Variants in GTF2H4 observed in about 807,000 individuals in gnomAD.
GTF2H4 encodes BTF2 p52.
In GTF2H4, 49 loss-of-function variants were observed where a neutral mutation model predicts 62.2. The observed-to-expected ratio is 0.79, with a 90% confidence interval of 0.63 to 1.00. The LOEUF (loss-of-function observed/expected upper bound fraction) is 1.00. GTF2H4 is among the 50% of genes least tolerant of loss of function. GTF2H4 has a pLI of 0.00. For missense variants in GTF2H4, 479 were observed against 587.8 expected (o/e 0.81, Z 1.91); for synonymous variants, 189 against 233.8 (o/e 0.81, Z 1.75).
In GTF2H4 at chr6:30,911,995, G is replaced by A. The variant is rs1259096512; in HGVS notation, c.826-19G>A. On this transcript the variant is annotated intron_variant, in intron 9 of 13. Transcript: ENST00000259895. The surrounding 1 kb of genome is among the most constrained non-coding windows in gnomAD (Gnocchi z 4.3). Reference sequence around the variant, plus strand: ...CAGTGACTTCTGAGACAAGGCATCTGCCTTTCTATTCTTTTCAGAGGAAAT... The same window carrying A: ...CAGTGACTTCTGAGACAAGGCATCTACCTTTCTATTCTTTTCAGAGGAAAT... The A allele has an allele frequency of 6.2e-7, 1 of 1,612,050 alleles. No individual in the cohort carries two copies. Among genetic ancestry groups the A allele is most frequent in the Admixed American group, 1.7e-5 (1 of 59,954 alleles).
rs762767731 is a variant in GTF2H4, at chr6:30,911,475, G to C, written c.717G>C (p.Gln239His). The part of the protein sequence containing the change: ...DLVEILSFLF[Q>H]LSFSTLGKDY... ...TAGAGATTCTCTCCTTCCTCTTCCA[G>C]CTCAGCTTCTCTACTCTGGGCAAGG... The change falls in exon 8 of 14, where the codon CAG becomes CAC. Residue 239 changes from glutamine (Q) to histidine (H), a missense_variant. Transcript: ENST00000259895. The surrounding 1 kb of genome is among the most constrained non-coding windows in gnomAD (Gnocchi z 4.3). 6.8e-6 allele frequency: 11 copies of C among 1,614,096 alleles called. No homozygotes were observed. Among genetic ancestry groups the C allele is most frequent in the Non-Finnish European group, 5.1e-6 (6 of 1,179,968 alleles).
At position 30,912,007 on chromosome 6, in the gene GTF2H4, T is replaced by G. The variant is rs1253214926; in HGVS notation, c.826-7T>G. On this transcript the variant is annotated splice_polypyrimidine_tract_variant and splice_region_variant and intron_variant, in intron 9 of 13. Coordinates refer to ENST00000259895, the MANE Select transcript of GTF2H4 (RefSeq NM_001517.5). The surrounding 1 kb of genome is among the most constrained non-coding windows in gnomAD (Gnocchi z 4.8). The stretch of plus-strand genomic sequence containing the variant: ...AGACAAGGCATCTGCCTTTCTATTC[T>G]TTTCAGAGGAAATCTCGGCGTTACT... 6.2e-7 allele frequency: 1 copy of G among 1,612,598 alleles called. No individual in the cohort carries two copies. The highest frequency in any genetic ancestry group is 8.5e-7 in the Non-Finnish European group (1 of 1,179,918).
In GTF2H4 at chr6:30,910,070, C is replaced by A; in HGVS notation, c.374+7C>A. 1 of 1,611,880 alleles carries A rather than the reference C, an allele frequency of 6.2e-7. No homozygotes were observed. The highest frequency in any genetic ancestry group is 8.5e-7 in the Non-Finnish European group (1 of 1,179,628). ...GCATTGCCCTTCTGGGTGGGTATGT[C>A]ACTTCTCTCTCTTCCTAAGCTAGGG... On this transcript the variant is annotated splice_region_variant and intron_variant, in intron 4 of 13. Coordinates refer to ENST00000259895, the MANE Select transcript of GTF2H4 (RefSeq NM_001517.5). The surrounding 1 kb of genome is among the most constrained non-coding windows in gnomAD (Gnocchi z 4.7).
chr6:30,912,251 A>G lies in GTF2H4; in HGVS notation c.959-77A>G, dbSNP rs1294323044. The G allele has an allele frequency of 6.2e-7, 1 of 1,601,608 alleles. No individual in the cohort carries two copies. The highest frequency in any genetic ancestry group is 1.3e-5 in the African/African-American group (1 of 74,648). Reference sequence around the variant, plus strand: ...TCTACAGAGCTCTCTGACATTTCTCATGACACTTGAAAGAAGGGCTTGAGG... The same window carrying G: ...TCTACAGAGCTCTCTGACATTTCTCGTGACACTTGAAAGAAGGGCTTGAGG... On this transcript the variant is annotated intron_variant, in intron 10 of 13. Transcript: ENST00000259895. This position sits in a 1 kb window ranked among gnomAD's most constrained non-coding sequence, Gnocchi z 4.8.
chr6:30,914,074 TTTTC>T lies in GTF2H4; in HGVS notation c.*94_*97del. ...GTGTTTTTTATTTACGCGTCAGGGC[TTTTC>T]TTGTTTAATAAAGTTATGATAGCTA... On this transcript the variant is annotated 3_prime_UTR_variant, in exon 14 of 14. Transcript: ENST00000259895. 5 of 1,249,190 alleles carry T rather than the reference TTTTC, an allele frequency of 4.0e-6. No individual in the cohort carries two copies. The highest frequency in any genetic ancestry group is 5.4e-6 in the Non-Finnish European group (5 of 923,164). The allele number at this position is 1,249,190 out of a possible 1,614,324, so 77.4% of individuals were successfully genotyped here. A position where few individuals can be genotyped will look rare whatever the true frequency, so the allele number is the denominator to read the frequency against.
chr6:30,910,361 A>T lies in GTF2H4; in HGVS notation c.374+298A>T, dbSNP rs1356630361. On this transcript the variant is annotated intron_variant, in intron 4 of 13. Transcript: ENST00000259895. This position sits in a 1 kb window ranked among gnomAD's most constrained non-coding sequence, Gnocchi z 4.7. ...TTGTTTGTTTTTGAGACAGAGTCTC[A>T]CTCTGTCACCAAGGCCAGAGTGCAG... 6.6e-6 allele frequency among the ~76,000 whole-genome samples: 1 copy of T among 151,602 alleles called. No homozygotes were observed. Among genetic ancestry groups the T allele is most frequent in the Non-Finnish European group, 1.5e-5 (1 of 67,902 alleles).
chr6:30,911,161 T>C lies in GTF2H4; in HGVS notation c.564T>C (p.Thr188=). 4 of 1,611,726 alleles carry C rather than the reference T, an allele frequency of 2.5e-6. No homozygotes were observed. Among genetic ancestry groups the C allele is most frequent in the Non-Finnish European group, 3.4e-6 (4 of 1,178,354 alleles). ...LLSQAGLMKS[T]EPGEPPCITS... Reference sequence around the variant, plus strand: ...TTGTCCTGGTCTTTGTCTCTAGTACTGAACCTGGAGAGCCGCCCTGCATTA... The same window carrying C: ...TTGTCCTGGTCTTTGTCTCTAGTACCGAACCTGGAGAGCCGCCCTGCATTA... Residue 188 remains threonine, a synonymous_variant, in exon 7 of 14, where the codon ACT becomes ACC. Coordinates refer to ENST00000259895, the MANE Select transcript of GTF2H4 (RefSeq NM_001517.5). This position sits in a 1 kb window ranked among gnomAD's most constrained non-coding sequence, Gnocchi z 4.3.
Position 30,912,498 on chromosome 6 carries a change from G to A in GTF2H4, c.1089+40G>A, listed in dbSNP as rs760831222. ...GAGAGGTGGAGCAGGAAGACAGGCT[G>A]CACTTGGGCTGCGGGGGACAGGGGT... On this transcript the variant is annotated intron_variant, in intron 11 of 13. Coordinates refer to ENST00000259895, the MANE Select transcript of GTF2H4 (RefSeq NM_001517.5). The surrounding 1 kb of genome is among the most constrained non-coding windows in gnomAD (Gnocchi z 4.8). The A allele has an allele frequency of 5.0e-6, 8 of 1,609,206 alleles. No individual in the cohort carries two copies. The African/African-American group carries it at 1.1e-4, about 21-fold the overall frequency.
rs143868324 is a variant in GTF2H4, at chr6:30,908,262, T to C, written c.-145T>C. ...ATTCTCCATTCTGGGCTCTTGCCTG[T>C]GAAATCTTTCTTTGCTTTCCCCATC... On this transcript the variant is annotated 5_prime_UTR_variant, in exon 1 of 14. Coordinates refer to ENST00000259895, the MANE Select transcript of GTF2H4 (RefSeq NM_001517.5). The C allele has an allele frequency of 3.2e-3, 493 of 153,700 alleles. 2 individuals are homozygous for C. Among genetic ancestry groups the C allele is most frequent in the African/African-American group, 8.3e-3 (344 of 41,592 alleles). The allele number at this position is 153,700 out of a possible 1,614,324, so 9.5% of individuals were successfully genotyped here. A position where few individuals can be genotyped will look rare whatever the true frequency, so the allele number is the denominator to read the frequency against.
chr6:30,913,248 G>A lies in GTF2H4; in HGVS notation c.1138-61G>A. 1.2e-6 allele frequency: 2 copies of A among 1,612,184 alleles called. No individual in the cohort carries two copies. Among genetic ancestry groups the A allele is most frequent in the South Asian group, 1.1e-5 (1 of 90,992 alleles). ...GGCATCCAAATCTGGGGAAGAAACAGAGGGCCGGGTTGTCTGGGGCAGTAT... is the reference window on the plus strand; with the variant it reads ...GGCATCCAAATCTGGGGAAGAAACAAAGGGCCGGGTTGTCTGGGGCAGTAT... On this transcript the variant is annotated intron_variant, in intron 12 of 13. Transcript: ENST00000259895. This position sits in a 1 kb window ranked among gnomAD's most constrained non-coding sequence, Gnocchi z 4.2.
chr6:30,910,217 G>A lies in GTF2H4; in HGVS notation c.374+154G>A, dbSNP rs958961145. Among the ~76,000 whole-genome samples, 1 of 152,204 alleles carries A rather than the reference G, an allele frequency of 6.6e-6. No homozygotes were observed. Among genetic ancestry groups the A allele is most frequent in the African/African-American group, 2.4e-5 (1 of 41,454 alleles). ...CCTTTAGGAGTAAGTTGGACCAGAT[G>A]TAGTGTGTGGTGTAGGAAATGTCCC... On this transcript the variant is annotated intron_variant, in intron 4 of 13. Transcript: ENST00000259895. This position sits in a 1 kb window ranked among gnomAD's most constrained non-coding sequence, Gnocchi z 4.7.
Position 30,913,773 on chromosome 6 carries a change from G to T in GTF2H4, c.1217-38G>T. On this transcript the variant is annotated intron_variant, in intron 13 of 13. Transcript: ENST00000259895. The surrounding 1 kb of genome is among the most constrained non-coding windows in gnomAD (Gnocchi z 4.2). Reference sequence around the variant, plus strand: ...TAGGAGCTCCGAGCTTCACTTTCTCGTCTTCTCCCCGCGCCCCTCCCGTCC... The same window carrying T: ...TAGGAGCTCCGAGCTTCACTTTCTCTTCTTCTCCCCGCGCCCCTCCCGTCC... 2 of 1,499,750 alleles carry T rather than the reference G, an allele frequency of 1.3e-6. No individual in the cohort carries two copies. Among genetic ancestry groups the T allele is most frequent in the Non-Finnish European group, 1.8e-6 (2 of 1,121,170 alleles). 92.9% of individuals were successfully genotyped at this position (1,499,750 alleles called of 1,614,324 possible). A position where few individuals can be genotyped will look rare whatever the true frequency, so the allele number is the denominator to read the frequency against.
chr6:30,908,724 G>A (rs1225069450), intron 1 of GTF2H4, among the ~76,000 whole-genome samples: 8 of 152,178 alleles, frequency 5.3e-5, no homozygotes, highest in Non-Finnish European at 1.2e-4. Context: ...CTTTGTCCCT[G>A]TTTAGCCAAA....
intron 1 of GTF2H4, among the ~76,000 whole-genome samples, chr6:30,908,816 G>C (rs1414733276): frequency 6.6e-6 from 1 of 152,190 alleles, no homozygotes; most frequent in Non-Finnish European, 1.5e-5. Flanking sequence ...ATTGAGGGAA[G>C]ACTGGAGTTG....
At position 30,909,981 on chromosome 6, in the gene GTF2H4, A is replaced by G. The variant is rs760295012; in HGVS notation, c.292A>G (p.Thr98Ala). The change falls in exon 4 of 14, where the codon ACA (threonine) becomes GCA (alanine). Residue 98 changes from threonine (T) to alanine (A), a missense_variant. Coordinates refer to ENST00000259895, the MANE Select transcript of GTF2H4 (RefSeq NM_001517.5). This position sits in a 1 kb window ranked among gnomAD's most constrained non-coding sequence, Gnocchi z 4.3. ...GCTGAGCGGCCTCCGGATCTGGCACACACAGCTGCTCCCAGGCGGGCTCCA... is the reference window on the plus strand; with the variant it reads ...GCTGAGCGGCCTCCGGATCTGGCACGCACAGCTGCTCCCAGGCGGGCTCCA... Reference protein sequence around the residue: ...GLLSGLRIWHTQLLPGGLQGL... With the variant: ...GLLSGLRIWHAQLLPGGLQGL... 1.9e-6 allele frequency: 3 copies of G among 1,612,860 alleles called. No homozygotes were observed. The highest frequency in any genetic ancestry group is 2.5e-6 in the Non-Finnish European group (3 of 1,180,000).
Position 30,913,176 on chromosome 6 carries a change from A to G in GTF2H4, c.1137+19A>G, listed in dbSNP as rs1471916489. On this transcript the variant is annotated intron_variant, in intron 12 of 13. Coordinates refer to ENST00000259895, the MANE Select transcript of GTF2H4 (RefSeq NM_001517.5). The surrounding 1 kb of genome is among the most constrained non-coding windows in gnomAD (Gnocchi z 4.2). ...CAAACAGGTATAGACAGGCTCCAAG[A>G]TGTCAGAGGCTGGCAGCTGGTGATG... The G allele has an allele frequency of 6.2e-7, 1 of 1,613,874 alleles. No individual in the cohort carries two copies. The highest frequency in any genetic ancestry group is 1.3e-5 in the African/African-American group (1 of 74,926).
At chr6:30,908,950 G>A in intron 1 of GTF2H4, 84 bp from the exon 2 acceptor site, 1 of 1,483,112 alleles carries the variant, frequency 6.7e-7, no homozygotes, top group Non-Finnish European at 9.4e-7. Flanking sequence ...TGTGGGGACT[G>A]ATGGATCTGG....
In GTF2H4 at chr6:30,913,125, A is replaced by G. The variant is rs749000586; in HGVS notation, c.1105A>G (p.Arg369Gly). 6 of 1,614,164 alleles carry G rather than the reference A, an allele frequency of 3.7e-6. No homozygotes were observed. In the South Asian group the frequency reaches 6.6e-5, roughly 18 times the overall value. The change falls in exon 12 of 14, where the codon AGG becomes GGG. Residue 369 changes from arginine to glycine, a missense_variant. Transcript: ENST00000259895. This position sits in a 1 kb window ranked among gnomAD's most constrained non-coding sequence, Gnocchi z 4.2. Reference protein sequence around the residue: ...ITAQQIIHFLRTRAHPVMLKQ... With the variant: ...ITAQQIIHFLGTRAHPVMLKQ... ...GTTTTCCTAGATAATCCATTTCCTA[A>G]GGACAAGAGCCCACCCAGTGATGCT...
Position 30,912,969 on chromosome 6 carries a change from T to C in GTF2H4, c.1090-141T>C, listed in dbSNP as rs1793855579. 1.4e-5 allele frequency: 10 copies of C among 729,596 alleles called. No homozygotes were observed. The South Asian group carries it at 1.7e-4, about 13-fold the overall frequency. 45.2% of individuals were successfully genotyped at this position (729,596 alleles called of 1,614,324 possible). A position where few individuals can be genotyped will look rare whatever the true frequency, so the allele number is the denominator to read the frequency against. On this transcript the variant is annotated intron_variant, in intron 11 of 13. Coordinates refer to ENST00000259895, the MANE Select transcript of GTF2H4 (RefSeq NM_001517.5). The surrounding 1 kb of genome is among the most constrained non-coding windows in gnomAD (Gnocchi z 4.8). ...GGGAGCAGCAACGTGGGATAACAGCTGAACTGGGATGGGTGGAGTTGATGA... is the reference window on the plus strand; with the variant it reads ...GGGAGCAGCAACGTGGGATAACAGCCGAACTGGGATGGGTGGAGTTGATGA...
Sources: allele counts gnomAD v4.1 joint callset (sites outside exome capture counted in the v4.1 genomes callset), GRCh38; gene constraint gnomAD v4.1.1; non-coding constraint Gnocchi (gnomAD v3.1); transcripts MANE v1.5; gene names NCBI Gene and HGNC (gene_info 2026-07-23, HGNC 2026-07-21).